FBP2: variants seen among roughly 807,000 people sequenced by gnomAD.
FBP2 encodes the protein fructose-bisphosphatase 2, also known as fructose-1,6-bisphosphatase isozyme 2.
In FBP2, 27 loss-of-function variants were observed where a neutral mutation model predicts 31.6. The ratio of observed to expected loss-of-function variants is 0.85; its 90% CI spans 0.63 to 1.18. The LOEUF is 1.18. Ranked by LOEUF, FBP2 falls within the 50% of genes most tolerant of loss-of-function variation. The probability of loss-of-function intolerance (pLI) is 0.00; values close to 1 mark genes in which losing one functional copy is unlikely to be tolerated. For missense variants in FBP2, 421 were observed against 436.1 expected (o/e 0.97, Z 0.31); for synonymous variants, 168 against 179.8 (o/e 0.93, Z 0.53).
intron 3 of FBP2, among the ~76,000 whole-genome samples, chr9:94,582,941 G>GC (rs1383759431): frequency 2.3e-4 from 33 of 142,266 alleles, no homozygotes; most frequent in Non-Finnish European, 4.0e-4. Context: ...TGCAACCTCT[G>GC]CCCCCGGGTT....
chr9:94,565,013 A>G (rs1827165084), intron 5 of FBP2, among the ~76,000 whole-genome samples: 1 of 152,212 alleles, frequency 6.6e-6, no homozygotes, highest in African/African-American at 2.4e-5. Context: ...TGATCACTGT[A>G]TATTATATAT....
At chr9:94,582,207 G>A (rs1444929654) in intron 3 of FBP2, among the ~76,000 whole-genome samples, 1 of 152,156 alleles carries the variant, frequency 6.6e-6, no homozygotes, top group Non-Finnish European at 1.5e-5. Context: ...AAGATCTTTT[G>A]ATATACAGGA....
chr9:94,574,743 G>C (rs1030464122), intron 3 of FBP2, among the ~76,000 whole-genome samples: 1 of 151,758 alleles, frequency 6.6e-6, no homozygotes, highest in Non-Finnish European at 1.5e-5. Flanking sequence ...TTTCTTTCTG[G>C]TTTTATTCCC....
At chr9:94,590,781 C>T (rs1041249420) in intron 1 of FBP2, among the ~76,000 whole-genome samples, 9 of 152,240 alleles carry the variant, frequency 5.9e-5, no homozygotes, top group African/African-American at 2.2e-4. Context: ...ATCTGGCCCA[C>T]CCACATCCTG....
At chr9:94,566,994 C>G (rs72743267) in intron 5 of FBP2, among the ~76,000 whole-genome samples, 132 of 152,236 alleles carry the variant, frequency 8.7e-4, no homozygotes, top group Non-Finnish European at 1.6e-3. Context: ...CTGGCGTGAG[C>G]TCTGAATTTT....
At chr9:94,572,322 G>GAC (rs149084114) in intron 3 of FBP2, among the ~76,000 whole-genome samples, 5 of 151,872 alleles carry the variant, frequency 3.3e-5, no homozygotes, top group South Asian at 2.1e-4. Context: ...CGTCTCCCAC[G>GAC]ACACACACAC....
chr9:94,565,789 T>TA (rs1412032577), intron 5 of FBP2, among the ~76,000 whole-genome samples: 153 of 146,790 alleles, frequency 1.0e-3, no homozygotes, highest in African/African-American at 3.7e-3. Context: ...GATAGATAGA[T>TA]GATAGATAGG....
intron 4 of FBP2, chr9:94,568,411 T>G (rs609901): frequency 0.49 from 73,877 of 151,948 alleles, 18,569 homozygotes; most frequent in African/African-American, 0.6. Context: ...TCTGGTGATA[T>G]CAGTCACTAA....
At chr9:94,563,015 G>C (rs908687887) in intron 6 of FBP2, among the ~76,000 whole-genome samples, 2 of 152,206 alleles carry the variant, frequency 1.3e-5, no homozygotes, top group African/African-American at 4.8e-5. Context: ...CATCATCCCA[G>C]ATCAGCTGGT....
intron 1 of FBP2, among the ~76,000 whole-genome samples, 188 bp from the exon 2 acceptor site, chr9:94,587,657 T>C (rs1827443668): frequency 7.8e-6 from 1 of 127,522 alleles, no homozygotes; most frequent in Non-Finnish European, 1.8e-5. Context: ...CCCTTACACC[T>C]TGGAGTCGTT....
chr9:94,559,105 CG>C lies in FBP2; in HGVS notation c.852del (p.Val285TrpfsTer22), dbSNP rs769314584. ...CCTGCCTGCTCAATGATGTAGGCCACGGGATTGCATTCATACAGGAGCCGGA... is the reference window on the plus strand; with the variant it reads ...CCTGCCTGCTCAATGATGTAGGCCACGGATTGCATTCATACAGGAGCCGGA... ...GKLRLLYECNPVAYIIEQAGG... is the reference protein window; with the variant it reads ...GKLRLLYECNXVAYIIEQAGG... On this transcript the variant is annotated frameshift_variant, in exon 7 of 7. Coordinates refer to ENST00000375337, the MANE Select transcript of FBP2 (RefSeq NM_003837.4). LOFTEE classifies it high-confidence loss of function. The C allele has an allele frequency of 1.2e-5, 19 of 1,613,398 alleles. No individual in the cohort carries two copies. Among genetic ancestry groups the C allele is most frequent in the African/African-American group, 2.7e-5 (2 of 75,004 alleles).
rs897041454 is a variant in FBP2, at chr9:94,567,616, A to G, written c.568-209T>C. 4.7e-5 allele frequency: 25 copies of G among 533,818 alleles called. No homozygotes were observed. In the East Asian group the frequency reaches 7.2e-4, roughly 15 times the overall value. The allele number at this position is 533,818 out of a possible 1,614,324, so 33.1% of individuals were successfully genotyped here. A position where few individuals can be genotyped will look rare whatever the true frequency, so the allele number is the denominator to read the frequency against. ...AGCCCACACAGGAAGCTCTAGCAGT[A>G]ACACAGCAAGCAGGAAGACAATTCT... On this transcript the variant is annotated intron_variant, in intron 4 of 6. Transcript: ENST00000375337.
chr9:94,569,098 T>G (rs569237086), intron 4 of FBP2: 1 of 152,412 alleles, frequency 6.6e-6, no homozygotes, highest in South Asian at 2.1e-4. Flanking sequence ...GATTTCTACT[T>G]CTGAAAAGTG....
intron 1 of FBP2, among the ~76,000 whole-genome samples, chr9:94,592,265 A>G (rs1354520788): frequency 6.6e-6 from 1 of 152,252 alleles, no homozygotes; most frequent in Non-Finnish European, 1.5e-5. Context: ...AGGATAATGC[A>G]CCGTTAACCT....
intron 4 of FBP2, 70 bp from the exon 5 acceptor site, chr9:94,567,477 C>G: frequency 1.3e-6 from 2 of 1,581,934 alleles, no homozygotes; most frequent in South Asian, 2.3e-5. Context: ...ACAATCCCCA[C>G]ATCAGAGCAG....
chr9:94,573,405 T>C (rs1353302041), intron 3 of FBP2, among the ~76,000 whole-genome samples: 4 of 152,154 alleles, frequency 2.6e-5, no homozygotes, highest in Admixed American at 6.5e-5. Context: ...ACTACGGGTA[T>C]GCACTACCAC....
intron 3 of FBP2, among the ~76,000 whole-genome samples, chr9:94,580,945 CA>C (rs1355507828): frequency 6.6e-6 from 1 of 152,186 alleles, no homozygotes; most frequent in Admixed American, 6.5e-5. Flanking sequence ...GCAAAGGTGA[CA>C]ATCAAAGTCA....
intron 3 of FBP2, among the ~76,000 whole-genome samples, chr9:94,579,006 T>C (rs1251317400): frequency 8.5e-6 from 1 of 118,000 alleles, no homozygotes; most frequent in African/African-American, 3.4e-5. Flanking sequence ...TGAGCGGAGC[T>C]TGCACCACTG....
At chr9:94,583,059 T>C (rs1827390071) in intron 3 of FBP2, among the ~76,000 whole-genome samples, 1 of 151,466 alleles carries the variant, frequency 6.6e-6, no homozygotes, top group South Asian at 2.1e-4. Context: ...TTCACCATGT[T>C]GGCCAGGCTG....
Sources: allele counts gnomAD v4.1 joint callset (sites outside exome capture counted in the v4.1 genomes callset), GRCh38; gene constraint gnomAD v4.1.1; transcripts MANE v1.5; gene names NCBI Gene and HGNC (gene_info 2026-07-23, HGNC 2026-07-21).